ZNF578: variants seen among roughly 807,000 people sequenced by gnomAD.
ZNF578 encodes the protein Putative chemokine-related protein B42.
In ZNF578, 8 loss-of-function variants were observed where a neutral mutation model predicts 8.3. That is an observed-to-expected ratio of 0.96 (90% CI 0.56 to 1.74). The LOEUF (loss-of-function observed/expected upper bound fraction) is 1.74. Among genes scored for constraint, ZNF578 ranks in the 40% most tolerant of loss-of-function variants. The pLI is 0.00. For synonymous variants in ZNF578, 206 were observed against 232.2 expected, an observed-to-expected ratio of 0.89 and a Z score of 1.03; for missense variants, 726 against 707.5, an observed-to-expected ratio of 1.03 and a Z score of -0.30.
At chr19:52,481,199 C>T (rs1035824366) in intron 2 of ZNF578, among the ~76,000 whole-genome samples, 34 of 152,206 alleles carry the variant, frequency 2.2e-4, no homozygotes, top group East Asian at 7.7e-4. Flanking sequence ...ATATCGGCTG[C>T]GGCAGACTCC....
rs1212036114 is a variant in ZNF578 at position 52,516,391 on chromosome 19, C to T, written c.*4237C>T. Among the ~76,000 whole-genome samples, 2 of 152,182 alleles carry T rather than the reference C, an allele frequency of 1.3e-5. No individual in the cohort carries two copies. Among genetic ancestry groups the T allele is most frequent in the South Asian group, 2.1e-4 (1 of 4,832 alleles). ...CTGCAGCATGTGTGTGTGGGCTTCT[C>T]CAGAAGGGGAGCCAGAGTTTCCCTG... On this transcript the variant is annotated 3_prime_UTR_variant, in exon 6 of 6. Transcript: ENST00000421239.
At position 52,488,698 on chromosome 19, in the gene ZNF578, T is replaced by G. The variant is rs766337626; in HGVS notation, c.-121-2626T>G. 4.3e-4 allele frequency among the ~76,000 whole-genome samples: 63 copies of G among 146,970 alleles called. 1 individual carries two copies. Among genetic ancestry groups the G allele is most frequent in the Admixed American group, 1.1e-3 (16 of 14,832 alleles). On this transcript the variant is annotated intron_variant, in intron 2 of 5. Coordinates refer to ENST00000421239, the MANE Select transcript of ZNF578 (RefSeq NM_001099694.2). ...ACTCGGGAGGCTGAGGCAGGAAAAT[T>G]GCTTGAACCCAGGAGGCAGAGGTTG...
intron 2 of ZNF578, among the ~76,000 whole-genome samples, chr19:52,471,945 T>TCACAAGG (rs11281209): frequency 0.9 from 136,289 of 152,068 alleles, 61,656 homozygotes; most frequent in Non-Finnish European, 0.96. Flanking sequence ...ATGTCACTAA[T>TCACAAGG]ACGAAAAAGA....
At chr19:52,464,409 C>T (rs539241924) in intron 2 of ZNF578, among the ~76,000 whole-genome samples, 1 of 152,002 alleles carries the variant, frequency 6.6e-6, no homozygotes, top group Non-Finnish European at 1.5e-5. Context: ...CTAAGGTGGG[C>T]CAAGTACAAT....
Position 52,512,873 on chromosome 19 carries a change from G to T in ZNF578, c.*719G>T, listed in dbSNP as rs1218422224. ...ATTGAGTTCAAGCCTTAATTGACAT[G>T]CAGGTGTTTATGATAAGAGGATTGG... On this transcript the variant is annotated 3_prime_UTR_variant, in exon 6 of 6. Transcript: ENST00000421239. Among the ~76,000 whole-genome samples, 1 of 152,294 alleles carries T rather than the reference G, an allele frequency of 6.6e-6. No individual in the cohort carries two copies. The highest frequency in any genetic ancestry group is 2.4e-5 in the African/African-American group (1 of 41,554).
intron 2 of ZNF578, among the ~76,000 whole-genome samples, chr19:52,488,482 T>G (rs1348511797): frequency 1.3e-5 from 2 of 151,778 alleles, no homozygotes; most frequent in South Asian, 2.1e-4. Flanking sequence ...GGTGGCGGGC[T>G]CCTGTAGTCC....
At chr19:52,499,509 G>C (rs1224662224) in intron 3 of ZNF578, among the ~76,000 whole-genome samples, 1 of 152,094 alleles carries the variant, frequency 6.6e-6, no homozygotes, top group Non-Finnish European at 1.5e-5. Flanking sequence ...ACATTCCCTT[G>C]CAGTCTGCAC....
At chr19:52,485,040 A>G (rs1599896896) in intron 2 of ZNF578, among the ~76,000 whole-genome samples, 1 of 151,658 alleles carries the variant, frequency 6.6e-6, no homozygotes. Context: ...GCTGAGTCCA[A>G]AAAGAGAGTC....
rs1450780385 is a variant in ZNF578 at position 52,514,971 on chromosome 19, T to TC, written c.*2817_*2818insC. Among the ~76,000 whole-genome samples, 1 of 151,234 alleles carries TC rather than the reference T, an allele frequency of 6.6e-6. No individual in the cohort carries two copies. The highest frequency in any genetic ancestry group is 6.6e-5 in the Admixed American group (1 of 15,136). ...CTACCACGTCGAGACTCTTTTTTTT[T>TC]TTTTTTTTTAGATGGAGTTTTGCTT... On this transcript the variant is annotated 3_prime_UTR_variant, in exon 6 of 6. Transcript: ENST00000421239.
At chr19:52,459,713 A>ATGTGTGTGTATATATGTGTGTGTG (rs2059250691) in intron 2 of ZNF578, among the ~76,000 whole-genome samples, 1 of 18,234 alleles carries the variant, frequency 5.5e-5, no homozygotes, top group Non-Finnish European at 1.4e-4. Flanking sequence ...ATATGTAGAT[A>ATGTGTGTGTATATATGTGTGTGTG]TGTGTGTGTG....
intron 3 of ZNF578, among the ~76,000 whole-genome samples, chr19:52,493,558 G>A (rs1285554268): frequency 6.6e-6 from 1 of 152,156 alleles, no homozygotes; most frequent in Non-Finnish European, 1.5e-5. Context: ...CGGGGGATCT[G>A]GGGTGCTAGA....
intron 2 of ZNF578, among the ~76,000 whole-genome samples, chr19:52,484,328 C>A (rs1248628639): frequency 6.6e-6 from 1 of 152,174 alleles, no homozygotes; most frequent in Non-Finnish European, 1.5e-5. Flanking sequence ...GAGACAGATG[C>A]CTTCCTCTTA....
In ZNF578 at chr19:52,510,669, T is replaced by C; in HGVS notation, c.288T>C (p.Tyr96=). The change falls in exon 6 of 6, where the codon TAT becomes TAC. Residue 96 remains tyrosine (Y), a synonymous_variant. Coordinates refer to ENST00000421239, the MANE Select transcript of ZNF578 (RefSeq NM_001099694.2). ...HTGMLQRHES[Y]HTGDFCFQEI... ...GGATGTTGCAAAGACATGAAAGTTA[T>C]CACACTGGAGATTTTTGCTTCCAGG... is the stretch of plus-strand genomic sequence containing the variant. The C allele has an allele frequency of 1.2e-6, 2 of 1,613,218 alleles. No homozygotes were observed. The highest frequency in any genetic ancestry group is 1.7e-6 in the Non-Finnish European group (2 of 1,179,642).
chr19:52,496,078 G>A (rs1169341461), intron 3 of ZNF578, among the ~76,000 whole-genome samples: 10 of 152,138 alleles, frequency 6.6e-5, no homozygotes, highest in Non-Finnish European at 1.2e-4. Context: ...GGAGTGGAGT[G>A]GAGCGATCTG....
chr19:52,481,943 G>A (rs1270132924), intron 2 of ZNF578, among the ~76,000 whole-genome samples: 1 of 152,024 alleles, frequency 6.6e-6, no homozygotes, highest in Admixed American at 6.6e-5. Flanking sequence ...ATGTTTCCCA[G>A]GCTGGTCTCA....
intron 2 of ZNF578, among the ~76,000 whole-genome samples, chr19:52,477,291 A>G (rs933565893): frequency 1.3e-5 from 2 of 152,142 alleles, no homozygotes; most frequent in African/African-American, 4.8e-5. Flanking sequence ...GAGGGAATCA[A>G]TGTTTCTTCT....
chr19:52,507,776 G>A (rs116738294), intron 5 of ZNF578, among the ~76,000 whole-genome samples: 2,060 of 152,210 alleles, frequency 0.014, 43 homozygotes, highest in African/African-American at 0.046. Context: ...CTGGCTGGAC[G>A]AGCTGGCTCA....
chr19:52,510,360 A>G (rs2059440093), intron 5 of ZNF578, among the ~76,000 whole-genome samples: 1 of 152,084 alleles, frequency 6.6e-6, no homozygotes, highest in African/African-American at 2.4e-5. Flanking sequence ...TTTTGTCATG[A>G]TATAGGAAAT....
At chr19:52,455,233 CT>C (rs1389192574) in intron 1 of ZNF578, 2 of 108,030 alleles carry the variant, frequency 1.9e-5, no homozygotes, top group Non-Finnish European at 3.5e-5. Flanking sequence ...GAGTTTTGCT[CT>C]TGTTGTCCAG....
Sources: gnomAD v4.1 joint callset for allele counts (sites outside exome capture counted in the v4.1 genomes callset) on GRCh38, gnomAD v4.1.1 for gene constraint, MANE v1.5 for transcripts, NCBI Gene and HGNC (gene_info 2026-07-23, HGNC 2026-07-21) for gene names.